The following NPSR1 variants were observed in gnomAD, a reference collection of about 807,000 sequenced individuals.
NPSR1 encodes neuropeptide S receptor.
A neutral mutation model predicts 46.9 loss-of-function variants in NPSR1; 48 were observed. The observed-to-expected ratio is 1.02, with a 90% CI of 0.81 to 1.30. The LOEUF is 1.30. NPSR1 is among the 50% of genes most tolerant of loss of function. The probability of loss-of-function intolerance (pLI) is 0.00; values close to 1 mark genes in which losing one functional copy is unlikely to be tolerated. For synonymous variants in NPSR1, 176 were observed against 168.1 expected, an observed-to-expected ratio of 1.05 and a Z score of -0.36; for missense variants, 450 against 449.5, an observed-to-expected ratio of 1.00 and a Z score of -0.01.
At chr7:34,784,973 C>T (rs527353531) in intron 3 of NPSR1, among the ~76,000 whole-genome samples, 63 of 152,162 alleles carry the variant, frequency 4.1e-4, no homozygotes, top group African/African-American at 1.3e-3. Flanking sequence ...GTCAGTGTGG[C>T]GATTCCTCAG....
At chr7:34,847,205 G>A (rs760771451) in intron 7 of NPSR1, among the ~76,000 whole-genome samples, 1 of 152,148 alleles carries the variant, frequency 6.6e-6, no homozygotes, top group Non-Finnish European at 1.5e-5. Flanking sequence ...ACATTACACA[G>A]TTATGACGGA....
intron 2 of NPSR1, among the ~76,000 whole-genome samples, chr7:34,745,748 A>T (rs1785171987): frequency 6.6e-6 from 1 of 152,164 alleles, no homozygotes; most frequent in South Asian, 2.1e-4. Context: ...TCCTGGTCAC[A>T]AACAGTCCTC....
At chr7:34,793,271 T>C (rs34573666) in intron 3 of NPSR1, among the ~76,000 whole-genome samples, 1,664 of 152,188 alleles carry the variant, frequency 0.011, 30 homozygotes, top group African/African-American at 0.035. Context: ...AGATACAGTT[T>C]ACAGAATGGG....
At chr7:34,740,987 AG>A (rs1784912991) in intron 2 of NPSR1, among the ~76,000 whole-genome samples, 1 of 152,162 alleles carries the variant, frequency 6.6e-6, no homozygotes, top group African/African-American at 2.4e-5. Flanking sequence ...TTTTTCTTTC[AG>A]CACCTTAAAT....
At chr7:34,874,239 C>G (rs1445443361) in intron 8 of NPSR1, among the ~76,000 whole-genome samples, 3 of 152,350 alleles carry the variant, frequency 2.0e-5, no homozygotes, top group South Asian at 4.1e-4. Flanking sequence ...CAGTGCTTAT[C>G]TGTGTGCACC....
At chr7:34,721,658 CT>C (rs1186782490) in intron 2 of NPSR1, among the ~76,000 whole-genome samples, 1 of 152,152 alleles carries the variant, frequency 6.6e-6, no homozygotes, top group Non-Finnish European at 1.5e-5. Flanking sequence ...CTTTAGATTT[CT>C]TTGTAAAAAC....
intron 3 of NPSR1, among the ~76,000 whole-genome samples, chr7:34,793,359 A>G (rs187109483): frequency 2.6e-5 from 4 of 152,304 alleles, no homozygotes; most frequent in Admixed American, 2.6e-4. Context: ...TCAATAGCAA[A>G]AAACAAAAAA....
At chr7:34,672,447 A>C (rs1475599251) in intron 1 of NPSR1, among the ~76,000 whole-genome samples, 3 of 152,210 alleles carry the variant, frequency 2.0e-5, no homozygotes, top group African/African-American at 7.2e-5. Flanking sequence ...AGTAACCAGA[A>C]AACTGAATTC....
chr7:34,828,747 G>A (rs1047156676), intron 5 of NPSR1, among the ~76,000 whole-genome samples: 11 of 152,268 alleles, frequency 7.2e-5, no homozygotes, highest in African/African-American at 2.6e-4. Context: ...ACTCATTCTT[G>A]TGGAATTACT....
intron 2 of NPSR1, among the ~76,000 whole-genome samples, chr7:34,733,455 G>A (rs935915752): frequency 7.3e-5 from 11 of 150,806 alleles, no homozygotes; most frequent in African/African-American, 2.4e-4. Flanking sequence ...AAGAAAAAAT[G>A]AATCCTTGCA....
At chr7:34,792,599 A>ATG (rs529427463) in intron 3 of NPSR1, among the ~76,000 whole-genome samples, 78 of 133,764 alleles carry the variant, frequency 5.8e-4, no homozygotes, top group African/African-American at 2.0e-3. Context: ...ATACGTATAT[A>ATG]TGTGTGTGTA....
intron 3 of NPSR1, among the ~76,000 whole-genome samples, chr7:34,792,721 A>G (rs1180593221): frequency 2.4e-5 from 3 of 124,714 alleles, no homozygotes; most frequent in African/African-American, 6.1e-5. Flanking sequence ...ATATTTATAT[A>G]TATATATATA....
At chr7:34,808,154 C>T (rs1363382123) in intron 3 of NPSR1, among the ~76,000 whole-genome samples, 1 of 152,116 alleles carries the variant, frequency 6.6e-6, no homozygotes, top group African/African-American at 2.4e-5. Flanking sequence ...CACCCGAAGC[C>T]AGAAGAGGCA....
chr7:34,872,639 C>G (rs1389690252), intron 8 of NPSR1, among the ~76,000 whole-genome samples: 4 of 151,744 alleles, frequency 2.6e-5, no homozygotes. Flanking sequence ...GCCTCACAAT[C>G]ATGGTGGAAG....
At chr7:34,769,647 C>T (rs754295711) in intron 2 of NPSR1, among the ~76,000 whole-genome samples, 11 of 152,162 alleles carry the variant, frequency 7.2e-5, no homozygotes, top group Admixed American at 1.3e-4. Flanking sequence ...ATTCTGCATT[C>T]CTTTCTCACC....
rs869170591 is a variant in NPSR1, at chr7:34,689,604, C to CAAAAAAAAAAAAAAAAAAAAAAAA, written c.280+4927_280+4950dup. Among the ~76,000 whole-genome samples the CAAAAAAAAAAAAAAAAAAAAAAAA allele has an allele frequency of 2.7e-4, 10 of 36,688 alleles. 1 individual carries two copies. Among genetic ancestry groups the CAAAAAAAAAAAAAAAAAAAAAAAA allele is most frequent in the Admixed American group, 5.5e-4 (1 of 1,830 alleles). 24.1% of individuals were successfully genotyped at this position (36,688 alleles called of 152,430 possible). ...TGGATGACAGAGCCAGACTCTGTCT[C>CAAAAAAAAAAAAAAAAAAAAAAAA]AAAAAAAAAAAAAAAAAAAAAAAAA... On this transcript the variant is annotated intron_variant, in intron 2 of 8. Transcript: ENST00000360581.
chr7:34,757,933 G>C (rs1785953566), intron 2 of NPSR1: 1 of 152,714 alleles, frequency 6.5e-6, no homozygotes, highest in Admixed American at 6.5e-5. Flanking sequence ...GCACAATCTG[G>C]AAAGAAGAGT....
chr7:34,724,277 A>G (rs1393709757), intron 2 of NPSR1, among the ~76,000 whole-genome samples: 1 of 152,220 alleles, frequency 6.6e-6, no homozygotes, highest in African/African-American at 2.4e-5. Context: ...TAAACCTAAG[A>G]ACTCTGGAGA....
intron 3 of NPSR1, among the ~76,000 whole-genome samples, chr7:34,804,758 T>C (rs1788606203): frequency 6.6e-6 from 1 of 151,946 alleles, no homozygotes; most frequent in African/African-American, 2.4e-5. Context: ...AATTTGTAAT[T>C]TTCTATATTA....
Sources: allele counts gnomAD v4.1 joint callset (sites outside exome capture counted in the v4.1 genomes callset), GRCh38; gene constraint gnomAD v4.1.1; transcripts MANE v1.5; gene names NCBI Gene and HGNC (gene_info 2026-07-23, HGNC 2026-07-21).